The following ANTXR2 variants were observed in gnomAD, a reference collection of about 807,000 sequenced individuals.
ANTXR2 encodes anthrax toxin receptor 2.
Under a neutral mutation model 73.7 loss-of-function variants are expected in ANTXR2, and 44 were observed. That is an observed-to-expected ratio of 0.60 (90% CI 0.47 to 0.77). ANTXR2 has a LOEUF of 0.77. ANTXR2 is among the 30% of genes least tolerant of loss of function. The pLI is 0.00. For missense variants in ANTXR2, 604 were observed against 592.5 expected (o/e 1.02, Z -0.20); for synonymous variants, 217 against 205.9 (o/e 1.05, Z -0.46).
intron 16 of ANTXR2, among the ~76,000 whole-genome samples, chr4:79,909,644 C>CAA (rs1560840416): frequency 1.6e-5 from 2 of 121,544 alleles, no homozygotes; most frequent in Middle Eastern, 4.0e-3. Context: ...GATATAAGCA[C>CAA]CAAAAAAAAA....
chr4:79,966,256 TG>T (rs1729361122), intron 16 of ANTXR2, among the ~76,000 whole-genome samples: 2 of 152,132 alleles, frequency 1.3e-5, no homozygotes, highest in Admixed American at 1.3e-4. Context: ...TACTACCACT[TG>T]GGCATCGTAG....
At position 79,905,128 on chromosome 4, in the gene ANTXR2, T is replaced by C; in HGVS notation, c.*2301A>G. ...TATAACAATCTACAGAAAGTTATTT[T>C]TCCATTTAAAGGCAGAGGTTAATTT... On this transcript the variant is annotated 3_prime_UTR_variant, in exon 17 of 17. Transcript: ENST00000403729. The C allele has an allele frequency of 6.6e-6, 1 of 152,204 alleles. No individual in the cohort carries two copies. The highest frequency in any genetic ancestry group is 1.9e-4 in the East Asian group (1 of 5,196). 9.4% of individuals were successfully genotyped at this position (152,204 alleles called of 1,614,324 possible).
intron 12 of ANTXR2, among the ~76,000 whole-genome samples, chr4:79,990,091 C>T (rs1730392204): frequency 6.6e-6 from 1 of 152,000 alleles, no homozygotes; most frequent in Non-Finnish European, 1.5e-5. Flanking sequence ...TGCCCACTCT[C>T]ACCACTTCTA....
At chr4:80,057,282 G>C (rs1259182438) in intron 3 of ANTXR2, among the ~76,000 whole-genome samples, 1 of 151,878 alleles carries the variant, frequency 6.6e-6, no homozygotes, top group East Asian at 1.9e-4. Flanking sequence ...ATTTATATAG[G>C]TACATGTGTG....
intron 7 of ANTXR2, among the ~76,000 whole-genome samples, chr4:80,037,503 T>C (rs1225483209): frequency 1.3e-5 from 2 of 152,186 alleles, no homozygotes; most frequent in Non-Finnish European, 2.9e-5. Context: ...TAAAATTTTA[T>C]ATCTGAGAAA....
intron 16 of ANTXR2, among the ~76,000 whole-genome samples, chr4:79,925,111 C>CT (rs1190287028): frequency 2.6e-5 from 4 of 152,068 alleles, no homozygotes; most frequent in African/African-American, 9.7e-5. Flanking sequence ...TTAGAGAAGG[C>CT]TGAATGAATA....
chr4:80,036,636 C>T (rs1732981803), intron 7 of ANTXR2, among the ~76,000 whole-genome samples: 1 of 151,860 alleles, frequency 6.6e-6, no homozygotes, highest in South Asian at 2.1e-4. Context: ...CCTGTCTCTA[C>T]TAAAAATACA....
At chr4:79,931,303 A>G (rs1171886662) in intron 16 of ANTXR2, among the ~76,000 whole-genome samples, 1 of 152,196 alleles carries the variant, frequency 6.6e-6, no homozygotes, top group Non-Finnish European at 1.5e-5. Flanking sequence ...TTATTTTTCA[A>G]GAGAGAGCAA....
chr4:79,956,779 G>A lies in ANTXR2; in HGVS notation c.1428+20842C>T, dbSNP rs947867985. On this transcript the variant is annotated intron_variant, in intron 16 of 16. Transcript: ENST00000403729. ...CATGCACACAAGTATATGCATGCGCGCGCACACACACACACTCATAGAAGC... is the reference window on the plus strand; with the variant it reads ...CATGCACACAAGTATATGCATGCGCACGCACACACACACACTCATAGAAGC... Among the ~76,000 whole-genome samples the A allele has an allele frequency of 7.9e-5, 12 of 151,698 alleles. No individual in the cohort carries two copies. In the South Asian group the frequency reaches 1.9e-3, roughly 24 times the overall value.
chr4:80,032,546 T>C (rs1435380587), intron 9 of ANTXR2, among the ~76,000 whole-genome samples: 3 of 151,878 alleles, frequency 2.0e-5, no homozygotes, highest in Non-Finnish European at 2.9e-5. Flanking sequence ...CTTACCATTT[T>C]AATTCAATAA....
At chr4:80,004,304 C>T (rs1731199930) in intron 12 of ANTXR2, among the ~76,000 whole-genome samples, 1 of 151,872 alleles carries the variant, frequency 6.6e-6, no homozygotes, top group African/African-American at 2.4e-5. Flanking sequence ...CATAAAAATT[C>T]CCCAACTCTG....
intron 16 of ANTXR2, among the ~76,000 whole-genome samples, chr4:79,913,457 T>C (rs1477690484): frequency 6.6e-6 from 1 of 152,178 alleles, no homozygotes; most frequent in African/African-American, 2.4e-5. Context: ...AGCACACATG[T>C]ACAACCTACC....
intron 14 of ANTXR2, among the ~76,000 whole-genome samples, chr4:79,978,423 A>G (rs1342431435): frequency 6.6e-6 from 1 of 151,998 alleles, no homozygotes; most frequent in Admixed American, 6.6e-5. Flanking sequence ...AATTTGAAGC[A>G]ACCATTTTTC....
intron 16 of ANTXR2, among the ~76,000 whole-genome samples, chr4:79,961,632 G>T (rs1298035173): frequency 6.6e-6 from 1 of 151,930 alleles, no homozygotes; most frequent in Non-Finnish European, 1.5e-5. Context: ...TAGAGACGGG[G>T]TCTCCCTATG....
intron 16 of ANTXR2, among the ~76,000 whole-genome samples, chr4:79,921,480 T>A (rs1015465059): frequency 6.6e-6 from 1 of 152,084 alleles, no homozygotes; most frequent in East Asian, 1.9e-4. Flanking sequence ...AAAATGTCCA[T>A]AGCTCTTTGG....
Position 80,055,415 on chromosome 4 carries a change from A to G in ANTXR2, c.431T>C (p.Ile144Thr). The G allele has an allele frequency of 6.2e-7, 1 of 1,611,282 alleles. No homozygotes were observed. Among genetic ancestry groups the G allele is most frequent in the Non-Finnish European group, 8.5e-7 (1 of 1,178,400 alleles). Reference sequence around the variant, plus strand: ...GTCCAACTTGCCATCTGTCAGAGCAATTATGATACTGGAGGTTTTCAAGCC... The same window carrying G: ...GTCCAACTTGCCATCTGTCAGAGCAGTTATGATACTGGAGGTTTTCAAGCC... Reference protein sequence around the residue: ...AGGLKTSSIIIALTDGKLDGL... With the variant: ...AGGLKTSSIITALTDGKLDGL... The change falls in exon 5 of 17, where the codon ATT (isoleucine) becomes ACT (threonine). Residue 144 changes from isoleucine to threonine, a missense_variant. Ile to Thr is a moderately conservative substitution (Grantham distance 89, BLOSUM62 -1). Transcript: ENST00000403729.
At chr4:79,927,021 ATG>A (rs1727836514) in intron 16 of ANTXR2, among the ~76,000 whole-genome samples, 1 of 120,568 alleles carries the variant, frequency 8.3e-6, no homozygotes, top group Non-Finnish European at 1.8e-5. Flanking sequence ...ATATATACAT[ATG>A]TGTATATATG....
At chr4:79,947,121 A>T (rs1010018432) in intron 16 of ANTXR2, among the ~76,000 whole-genome samples, 1 of 152,190 alleles carries the variant, frequency 6.6e-6, no homozygotes, top group Non-Finnish European at 1.5e-5. Flanking sequence ...GGGCATTAAG[A>T]TAAGCTACTC....
chr4:79,912,410 A>G (rs1004727286), intron 16 of ANTXR2, among the ~76,000 whole-genome samples: 1 of 151,972 alleles, frequency 6.6e-6, no homozygotes, highest in African/African-American at 2.4e-5. Context: ...CAATCATTAA[A>G]TTATGATCTT....
Sources: allele counts gnomAD v4.1 joint callset (sites outside exome capture counted in the v4.1 genomes callset), GRCh38; gene constraint gnomAD v4.1.1; transcripts MANE v1.5; gene names NCBI Gene and HGNC (gene_info 2026-07-23, HGNC 2026-07-21).